Variants in SKAP1 observed in about 807,000 individuals in gnomAD.
SKAP1 encodes the protein src kinase associated phosphoprotein 1.
SKAP1 carries 44 observed loss-of-function variants against 58.5 expected under a neutral mutation model. That is an observed-to-expected ratio of 0.75 (90% CI 0.59 to 0.97). The LOEUF is 0.97. Among genes scored for constraint, SKAP1 ranks in the 50% least tolerant of loss-of-function variants. The probability of loss-of-function intolerance (pLI) is 0.00; values close to 1 mark genes in which losing one functional copy is unlikely to be tolerated. For missense variants in SKAP1, 390 were observed against 435.2 expected, an observed-to-expected ratio of 0.90 and a Z score of 0.92; for synonymous variants, 127 against 149.7, an observed-to-expected ratio of 0.85 and a Z score of 1.11.
At chr17:48,169,403 T>C (rs917655124) in intron 10 of SKAP1, among the ~76,000 whole-genome samples, 11 of 152,216 alleles carry the variant, frequency 7.2e-5, no homozygotes, top group African/African-American at 2.7e-4. Flanking sequence ...ATGTGGAACA[T>C]GGGCGGGTCA....
At chr17:48,203,496 C>G (rs1261276822) in intron 4 of SKAP1, among the ~76,000 whole-genome samples, 6 of 152,222 alleles carry the variant, frequency 3.9e-5, no homozygotes, top group African/African-American at 1.4e-4. Context: ...GCCTTTCTCA[C>G]AGGCAGGTAT....
At chr17:48,400,156 T>C (rs1216735644) in intron 1 of SKAP1, among the ~76,000 whole-genome samples, 2 of 150,996 alleles carry the variant, frequency 1.3e-5, no homozygotes, top group East Asian at 3.9e-4. Flanking sequence ...TGGAGTGTAG[T>C]GGCGCGATCT....
intron 2 of SKAP1, among the ~76,000 whole-genome samples, chr17:48,390,124 G>A (rs1567895283): frequency 6.6e-6 from 1 of 152,130 alleles, no homozygotes; most frequent in Non-Finnish European, 1.5e-5. Context: ...CCTCCCCTCT[G>A]TTCCAGTTTC....
chr17:48,403,647 T>A (rs992297680), intron 1 of SKAP1, among the ~76,000 whole-genome samples: 7 of 152,104 alleles, frequency 4.6e-5, no homozygotes, highest in African/African-American at 1.7e-4. Context: ...TACAAAGTTT[T>A]AAAGGAAAAA....
At chr17:48,322,934 AAAAAT>A (rs2066388373) in intron 4 of SKAP1, among the ~76,000 whole-genome samples, 1 of 152,142 alleles carries the variant, frequency 6.6e-6, no homozygotes, top group Non-Finnish European at 1.5e-5. Flanking sequence ...CGTCTCTACT[AAAAAT>A]ACAAAAATTA....
chr17:48,187,234 T>C (rs2064468887), intron 6 of SKAP1, among the ~76,000 whole-genome samples: 1 of 152,250 alleles, frequency 6.6e-6, no homozygotes, highest in Non-Finnish European at 1.5e-5. Context: ...TCATGAGTGT[T>C]GACTTGATTA....
At chr17:48,369,447 C>T (rs1245317863) in intron 2 of SKAP1, among the ~76,000 whole-genome samples, 1 of 148,918 alleles carries the variant, frequency 6.7e-6, no homozygotes, top group Admixed American at 6.7e-5. Flanking sequence ...GCCATGATTG[C>T]ACCACTGCAC....
At chr17:48,140,053 T>C (rs750006230) in intron 11 of SKAP1, among the ~76,000 whole-genome samples, 6 of 152,250 alleles carry the variant, frequency 3.9e-5, no homozygotes, top group Non-Finnish European at 8.8e-5. Flanking sequence ...CTGCCACTGA[T>C]GTCTACTTCC....
intron 12 of SKAP1, among the ~76,000 whole-genome samples, chr17:48,135,686 G>A (rs1024787905): frequency 2.6e-5 from 4 of 152,008 alleles, no homozygotes; most frequent in Admixed American, 1.3e-4. Flanking sequence ...GCCCAGGCTG[G>A]TCTCAAACTC....
At chr17:48,193,457 GA>G (rs981904445) in intron 4 of SKAP1, among the ~76,000 whole-genome samples, 1 of 151,988 alleles carries the variant, frequency 6.6e-6, no homozygotes, top group Non-Finnish European at 1.5e-5. Flanking sequence ...AATGTCTACG[GA>G]AAAAAAATTA....
intron 4 of SKAP1, among the ~76,000 whole-genome samples, chr17:48,317,360 A>C (rs2144205883): frequency 6.6e-6 from 1 of 152,358 alleles, no homozygotes; most frequent in Middle Eastern, 3.4e-3. Context: ...TCCCAAACAG[A>C]AGTAGAACTA....
chr17:48,265,069 A>G lies in SKAP1; in HGVS notation c.281-75569T>C, dbSNP rs2065528542. 2.6e-5 allele frequency among the ~76,000 whole-genome samples: 4 copies of G among 152,184 alleles called. No homozygotes were observed. In the South Asian group the frequency reaches 8.3e-4, roughly 32 times the overall value. On this transcript the variant is annotated intron_variant, in intron 4 of 12. Transcript: ENST00000336915. ...CTCTCCTTTCCAGCTATTTGAAACA[A>G]TATACACTTTTTATAGGATTTGTCT...
chr17:48,160,414 G>C (rs752674555), intron 11 of SKAP1, among the ~76,000 whole-genome samples: 2 of 152,074 alleles, frequency 1.3e-5, no homozygotes, highest in African/African-American at 2.4e-5. Context: ...TGGGATCACA[G>C]GCGTAAGCCA....
intron 4 of SKAP1, among the ~76,000 whole-genome samples, chr17:48,337,634 A>G (rs766904399): frequency 2.6e-5 from 4 of 152,228 alleles, no homozygotes; most frequent in Non-Finnish European, 4.4e-5. Context: ...TCAGGGGCTT[A>G]ATGCACGTTA....
At chr17:48,249,051 A>C (rs2065331523) in intron 4 of SKAP1, 1 of 146,130 alleles carries the variant, frequency 6.8e-6, no homozygotes, top group Non-Finnish European at 1.5e-5. Flanking sequence ...ACAAAAAAAC[A>C]AAAAAAACCC....
intron 4 of SKAP1, among the ~76,000 whole-genome samples, chr17:48,258,960 T>G (rs2065456064): frequency 6.6e-6 from 1 of 152,116 alleles, no homozygotes; most frequent in Non-Finnish European, 1.5e-5. Flanking sequence ...CCAAATAATT[T>G]ATCAGATTCA....
chr17:48,397,978 C>A (rs1413367305), intron 1 of SKAP1, among the ~76,000 whole-genome samples: 1 of 152,124 alleles, frequency 6.6e-6, no homozygotes, highest in Non-Finnish European at 1.5e-5. Context: ...TGTCATCCCC[C>A]AAAAGCGTAT....
At chr17:48,340,772 A>G (rs1397172592) in intron 4 of SKAP1, among the ~76,000 whole-genome samples, 1 of 152,258 alleles carries the variant, frequency 6.6e-6, no homozygotes, top group Non-Finnish European at 1.5e-5. Context: ...AGGAAATGAT[A>G]AAACACTTAG....
At chr17:48,386,723 G>A (rs1198821808) in intron 2 of SKAP1, among the ~76,000 whole-genome samples, 4 of 152,196 alleles carry the variant, frequency 2.6e-5, no homozygotes, top group African/African-American at 4.8e-5. Flanking sequence ...CAAGTTAGGG[G>A]ATGGGGGCAG....
Sources: gnomAD v4.1 joint callset for allele counts (sites outside exome capture counted in the v4.1 genomes callset) on GRCh38, gnomAD v4.1.1 for gene constraint, MANE v1.5 for transcripts, NCBI Gene and HGNC (gene_info 2026-07-23, HGNC 2026-07-21) for gene names.